The following NPAS3 variants were observed in gnomAD, a reference collection of about 807,000 sequenced individuals.
NPAS3 encodes the protein neuronal PAS domain-containing protein 3.
In NPAS3, 14 loss-of-function variants were observed where a neutral mutation model predicts 73.1. That is an observed-to-expected ratio of 0.19 (90% CI 0.13 to 0.30). The LOEUF (loss-of-function observed/expected upper bound fraction) is 0.30, where lower values mean the gene tolerates loss of function less well. NPAS3 is among the 10% of genes least tolerant of loss of function. NPAS3 has a pLI of 1.00. For missense variants in NPAS3, 1,096 were observed against 1,250.0 expected (o/e 0.88, Z 1.86); for synonymous variants, 620 against 541.5 (o/e 1.14, Z -2.01).
intron 2 of NPAS3, among the ~76,000 whole-genome samples, chr14:33,117,063 A>G (rs2043089500): frequency 6.6e-6 from 1 of 152,120 alleles, no homozygotes; most frequent in African/African-American, 2.4e-5. Flanking sequence ...TTACAGCATT[A>G]TTTAAAAAAT....
chr14:33,525,662 G>A (rs1050823784), intron 4 of NPAS3, among the ~76,000 whole-genome samples: 3 of 152,076 alleles, frequency 2.0e-5, no homozygotes, highest in Non-Finnish European at 2.9e-5. Flanking sequence ...CTAGGGATGG[G>A]CATCTTTATC....
chr14:33,130,176 A>C (rs1191986707), intron 2 of NPAS3, among the ~76,000 whole-genome samples: 1 of 152,210 alleles, frequency 6.6e-6, no homozygotes, highest in African/African-American at 2.4e-5. Context: ...TGCGTACGGC[A>C]GACCATAATG....
At chr14:33,042,329 C>CATA (rs2040372919) in intron 1 of NPAS3, among the ~76,000 whole-genome samples, 1 of 152,020 alleles carries the variant, frequency 6.6e-6, no homozygotes, top group Non-Finnish European at 1.5e-5. Context: ...TGTTTGTTTC[C>CATA]TGGGTGTTGA....
chr14:33,448,950 G>A (rs1385270805), intron 4 of NPAS3, among the ~76,000 whole-genome samples: 6 of 152,160 alleles, frequency 3.9e-5, no homozygotes, highest in Non-Finnish European at 5.9e-5. Context: ...ACCCTGATAT[G>A]TCTGTGGCCA....
At chr14:33,428,492 A>G (rs1295301339) in intron 4 of NPAS3, among the ~76,000 whole-genome samples, 1 of 152,124 alleles carries the variant, frequency 6.6e-6, no homozygotes, top group Non-Finnish European at 1.5e-5. Context: ...CAAATAAAGT[A>G]GTGTAAATTA....
At chr14:33,281,139 T>C (rs976813807) in intron 3 of NPAS3, among the ~76,000 whole-genome samples, 1 of 152,288 alleles carries the variant, frequency 6.6e-6, no homozygotes, top group African/African-American at 2.4e-5. Context: ...TGTTTTGTAG[T>C]CAGTGACTTT....
chr14:33,036,461 C>T (rs2040172361), intron 1 of NPAS3, among the ~76,000 whole-genome samples: 2 of 151,770 alleles, frequency 1.3e-5, no homozygotes, highest in African/African-American at 2.4e-5. Flanking sequence ...GAAATGGACA[C>T]CTAAAGATAG....
chr14:33,651,641 C>G (rs1298279464), intron 5 of NPAS3, among the ~76,000 whole-genome samples: 2 of 152,010 alleles, frequency 1.3e-5, no homozygotes, highest in East Asian at 3.9e-4. Context: ...AGACTTGTAC[C>G]TTTTCTCTAT....
intron 7 of NPAS3, among the ~76,000 whole-genome samples, chr14:33,756,270 C>A (rs561527553): frequency 5.9e-5 from 9 of 152,246 alleles, no homozygotes; most frequent in African/African-American, 2.2e-4. Context: ...TGAGCCAAAC[C>A]CACCTACTAC....
chr14:33,706,206 T>C (rs1396160784), intron 6 of NPAS3, among the ~76,000 whole-genome samples: 2 of 152,162 alleles, frequency 1.3e-5, no homozygotes, highest in Non-Finnish European at 2.9e-5. Context: ...TATGAGCTAG[T>C]AGGGGGTTTC....
chr14:33,496,995 C>T (rs2052231672), intron 4 of NPAS3, among the ~76,000 whole-genome samples: 1 of 152,164 alleles, frequency 6.6e-6, no homozygotes, highest in African/African-American at 2.4e-5. Flanking sequence ...GCAACTTCAG[C>T]AAAGTCTCAG....
intron 6 of NPAS3, among the ~76,000 whole-genome samples, chr14:33,720,454 T>A (rs1002058131): frequency 2.0e-5 from 3 of 152,194 alleles, no homozygotes; most frequent in Non-Finnish European, 4.4e-5. Context: ...GTTTGATTGC[T>A]ACGTGGGTCA....
chr14:33,775,051 A>G (rs2062769600), intron 8 of NPAS3, among the ~76,000 whole-genome samples: 1 of 152,250 alleles, frequency 6.6e-6, no homozygotes, highest in Non-Finnish European at 1.5e-5. Flanking sequence ...AAATTAAAAA[A>G]AGATGACTCA....
At chr14:33,344,910 G>C (rs2044658156) in intron 3 of NPAS3, among the ~76,000 whole-genome samples, 1 of 152,126 alleles carries the variant, frequency 6.6e-6, no homozygotes, top group African/African-American at 2.4e-5. Flanking sequence ...TGGCTCTGTG[G>C]AGTCAAATGT....
At chr14:33,588,754 C>G (rs544903888) in intron 5 of NPAS3, among the ~76,000 whole-genome samples, 2 of 152,290 alleles carry the variant, frequency 1.3e-5, no homozygotes, top group African/African-American at 2.4e-5. Flanking sequence ...GCTGGGATTA[C>G]AGATGCCTAC....
intron 2 of NPAS3, among the ~76,000 whole-genome samples, chr14:33,098,598 A>AT (rs1430155284): frequency 6.6e-6 from 1 of 152,194 alleles, no homozygotes; most frequent in African/African-American, 2.4e-5. Context: ...TCAAGACTCT[A>AT]TTTGTAATTG....
intron 4 of NPAS3, among the ~76,000 whole-genome samples, chr14:33,456,315 C>A (rs1006105041): frequency 2.0e-5 from 3 of 152,062 alleles, no homozygotes; most frequent in African/African-American, 4.8e-5. Context: ...ATAGTAAATG[C>A]CCAGGATTTT....
chr14:33,377,944 TG>T (rs1277297877), intron 4 of NPAS3, among the ~76,000 whole-genome samples: 1 of 152,220 alleles, frequency 6.6e-6, no homozygotes, highest in African/African-American at 2.4e-5. Context: ...GTGATGATTT[TG>T]CCTCTCAGCA....
intron 4 of NPAS3, among the ~76,000 whole-genome samples, chr14:33,528,515 T>C (rs2053902722): frequency 6.6e-6 from 1 of 152,070 alleles, no homozygotes; most frequent in South Asian, 2.1e-4. Context: ...GTCGTCCTAA[T>C]GTGTCTGCAG....
Sources: allele counts gnomAD v4.1 joint callset (sites outside exome capture counted in the v4.1 genomes callset), GRCh38; gene constraint gnomAD v4.1.1; transcripts MANE v1.5; gene names NCBI Gene and HGNC (gene_info 2026-07-23, HGNC 2026-07-21).